Variants in ABHD18 observed in about 807,000 individuals in gnomAD.
ABHD18 encodes the protein cardiolipin-specific deacylase, mitochondrial.
ABHD18 carries 55 observed loss-of-function variants against 65.9 expected under a neutral mutation model. That is an observed-to-expected ratio of 0.84 (90% CI 0.67 to 1.05). The LOEUF (loss-of-function observed/expected upper bound fraction) is 1.05. ABHD18 is among the 50% of genes least tolerant of loss of function. The pLI is 0.00. For synonymous variants in ABHD18, 181 were observed against 180.2 expected (o/e 1.00, Z -0.04); for missense variants, 533 against 558.5 (o/e 0.95, Z 0.46).
At chr4:127,994,760 T>G (rs1414650014) in intron 4 of ABHD18, among the ~76,000 whole-genome samples, 2 of 152,196 alleles carry the variant, frequency 1.3e-5, no homozygotes, top group East Asian at 3.8e-4. Flanking sequence ...TGAGGATAGT[T>G]TATATGTCTT....
At chr4:127,994,265 T>C (rs1560858254) in intron 4 of ABHD18, among the ~76,000 whole-genome samples, 1 of 152,184 alleles carries the variant, frequency 6.6e-6, no homozygotes, top group Admixed American at 6.6e-5. Context: ...GAAATTTATT[T>C]ATGTCAAAAT....
chr4:127,968,733 C>CA (rs1241714486), intron 1 of ABHD18, among the ~76,000 whole-genome samples: 4 of 152,144 alleles, frequency 2.6e-5, no homozygotes, highest in Non-Finnish European at 4.4e-5. Flanking sequence ...ATATATACTT[C>CA]AAAAATAGGT....
At chr4:128,033,771 C>T (rs1230010656) in intron 12 of ABHD18, among the ~76,000 whole-genome samples, 4 of 150,962 alleles carry the variant, frequency 2.6e-5, no homozygotes, top group Non-Finnish European at 5.9e-5. Context: ...CTCCTGACCT[C>T]GTGATCCGCC....
At chr4:128,002,875 C>T (rs1359287415) in intron 4 of ABHD18, among the ~76,000 whole-genome samples, 4 of 151,652 alleles carry the variant, frequency 2.6e-5, no homozygotes, top group Middle Eastern at 3.4e-3. Context: ...AATTCCTGAC[C>T]TCAGGTGATC....
chr4:127,965,536 A>T lies in ABHD18; in HGVS notation c.-88A>T. The T allele has an allele frequency of 3.3e-6, 1 of 304,442 alleles. No individual in the cohort carries two copies. Among genetic ancestry groups the T allele is most frequent in the South Asian group, 3.2e-5 (1 of 31,190 alleles). 18.9% of individuals were successfully genotyped at this position (304,442 alleles called of 1,614,324 possible). On this transcript the variant is annotated 5_prime_UTR_variant, in exon 1 of 13. Coordinates refer to ENST00000645843, the MANE Select transcript of ABHD18 (RefSeq NM_001358451.3). ...GGCTGGGACCAAAGTTGAGTCCTGG[A>T]AAGGGAGCCTGGAGAGCGGCGGTGC...
intron 10 of ABHD18, among the ~76,000 whole-genome samples, chr4:128,022,231 T>TA (rs2149170716): frequency 6.6e-6 from 1 of 152,318 alleles, no homozygotes; most frequent in African/African-American, 2.4e-5. Flanking sequence ...AGTGTAATAA[T>TA]AAAAAATCAA....
chr4:128,025,494 T>C (rs138439680), intron 10 of ABHD18, among the ~76,000 whole-genome samples: 11 of 152,332 alleles, frequency 7.2e-5, no homozygotes, highest in Non-Finnish European at 1.6e-4. Context: ...TTTACTGCTA[T>C]ATAATAGTCT....
At chr4:128,020,933 C>T (rs547374126) in intron 9 of ABHD18, among the ~76,000 whole-genome samples, 3 of 151,050 alleles carry the variant, frequency 2.0e-5, no homozygotes, top group South Asian at 2.1e-4. Flanking sequence ...ACTTGGGAGG[C>T]GGAGGCAGGA....
intron 1 of ABHD18, among the ~76,000 whole-genome samples, chr4:127,973,198 T>G (rs1013494807): frequency 2.0e-5 from 3 of 152,112 alleles, no homozygotes; most frequent in African/African-American, 7.2e-5. Flanking sequence ...GTATTTTTCA[T>G]AGAGGCAGAG....
chr4:127,993,007 G>A (rs1473880675), intron 4 of ABHD18, among the ~76,000 whole-genome samples: 4 of 152,040 alleles, frequency 2.6e-5, no homozygotes, highest in Non-Finnish European at 5.9e-5. Context: ...TTGCCTGATC[G>A]AGGTTAGAGT....
At chr4:128,020,208 A>C in intron 9 of ABHD18, 39 bp downstream of exon 9, 1 of 1,499,232 alleles carries the variant, frequency 6.7e-7, no homozygotes, top group Non-Finnish European at 9.2e-7. Context: ...GCTATATATA[A>C]TTAGAGGTAA....
Position 127,989,738 on chromosome 4 carries a change from T to C in ABHD18, c.195T>C (p.Asp65=), listed in dbSNP as rs1372997042. 8.8e-6 allele frequency: 14 copies of C among 1,588,192 alleles called. No individual in the cohort carries two copies. The highest frequency in any genetic ancestry group is 1.2e-5 in the Non-Finnish European group (14 of 1,167,536). ...TCTTTTAGATTGAAGAGCAATCAGA[T>C]TGTAAGATCTTAGATGGACACTTTG... ...VHIDKIEEQS[D]CKILDGHFVS... Residue 65 remains aspartate, a synonymous_variant, in exon 4 of 13, where the codon GAT becomes GAC. Transcript: ENST00000645843.
At chr4:128,022,524 C>A (rs1756674462) in intron 10 of ABHD18, among the ~76,000 whole-genome samples, 1 of 152,064 alleles carries the variant, frequency 6.6e-6, no homozygotes, top group African/African-American at 2.4e-5. Context: ...ATGATATAAG[C>A]CTCTACTGAT....
chr4:128,021,056 T>G (rs552269832), intron 9 of ABHD18, 81 bp from the exon 10 acceptor site: 34 of 767,062 alleles, frequency 4.4e-5, no homozygotes, highest in Admixed American at 2.3e-4. Flanking sequence ...AAAAAGGTAG[T>G]CTCACACAGT....
chr4:127,967,054 G>A (rs1745712755), intron 1 of ABHD18, among the ~76,000 whole-genome samples: 1 of 152,020 alleles, frequency 6.6e-6, no homozygotes, highest in Admixed American at 6.6e-5. Flanking sequence ...AGGTAGAAAA[G>A]TTAGTATTTT....
intron 7 of ABHD18, among the ~76,000 whole-genome samples, chr4:128,016,344 T>TA (rs1755490917): frequency 6.6e-6 from 1 of 152,182 alleles, no homozygotes; most frequent in Admixed American, 6.5e-5. Flanking sequence ...TGTATATTTA[T>TA]AAAAATGTAT....
At chr4:128,013,768 A>G (rs1265186857) in intron 7 of ABHD18, among the ~76,000 whole-genome samples, 1 of 152,172 alleles carries the variant, frequency 6.6e-6, no homozygotes, top group Non-Finnish European at 1.5e-5. Context: ...AAGTGGAGAA[A>G]TCAAGTAGGC....
intron 1 of ABHD18, among the ~76,000 whole-genome samples, chr4:127,974,204 T>G (rs991741375): frequency 5.5e-5 from 8 of 145,496 alleles, no homozygotes; most frequent in East Asian, 3.9e-4. Context: ...TTTTTTTTTT[T>G]TTTTTTTTTT....
rs1758958959 is a variant in ABHD18, at chr4:128,037,184, T to A, written c.*1371T>A. 1 of 145,902 alleles carries A rather than the reference T, an allele frequency of 6.9e-6. No individual in the cohort carries two copies. Among genetic ancestry groups the A allele is most frequent in the African/African-American group, 2.6e-5 (1 of 39,084 alleles). 9.0% of individuals were successfully genotyped at this position (145,902 alleles called of 1,614,324 possible). ...GGTGGCAGGCACCTGTAATCCCAGC[T>A]ACTCGGGAGGCTGAGGCAGGAGAAT... On this transcript the variant is annotated 3_prime_UTR_variant, in exon 13 of 13. Transcript: ENST00000645843.
Sources: gnomAD v4.1 joint callset for allele counts (sites outside exome capture counted in the v4.1 genomes callset) on GRCh38, gnomAD v4.1.1 for gene constraint, MANE v1.5 for transcripts, NCBI Gene and HGNC (gene_info 2026-07-23, HGNC 2026-07-21) for gene names.